The following MYOF variants were observed in gnomAD, a reference collection of about 807,000 sequenced individuals.
MYOF encodes the protein fer-1-like 3, myoferlin.
A neutral mutation model predicts 284.2 loss-of-function variants in MYOF; 244 were observed. The ratio of observed to expected loss-of-function variants is 0.86; its 90% CI spans 0.77 to 0.95. The LOEUF (loss-of-function observed/expected upper bound fraction) is 0.95, where lower values mean the gene tolerates loss of function less well. Among genes scored for constraint, MYOF ranks in the 40% least tolerant of loss-of-function variants. MYOF has a pLI of 0.00. For missense variants in MYOF, 2,496 were observed against 2,560.6 expected (o/e 0.97, Z 0.54); for synonymous variants, 904 against 919.7 (o/e 0.98, Z 0.31).
At chr10:93,360,777 G>A (rs144061338) in intron 28 of MYOF, among the ~76,000 whole-genome samples, 21 of 152,280 alleles carry the variant, frequency 1.4e-4, no homozygotes, top group South Asian at 4.1e-4. Context: ...TCTTTTCTGC[G>A]TCAGGGGGGC....
At chr10:93,360,116 A>G (rs1447723805) in intron 28 of MYOF, 138 bp from the exon 29 acceptor site, 1 of 1,088,124 alleles carries the variant, frequency 9.2e-7, no homozygotes, top group South Asian at 1.5e-5. Context: ...GGCTGTTTTC[A>G]CTTTGCTGGG....
rs1184839693 is a variant in MYOF, at chr10:93,349,892, A to G, written c.3999T>C (p.Cys1333=). Residue 1333 remains cysteine, a synonymous_variant, in exon 36 of 54, where the codon TGT becomes TGC. Coordinates refer to ENST00000359263, the MANE Select transcript of MYOF (RefSeq NM_013451.4). The stretch of plus-strand genomic sequence containing the variant: ...CCACCGATTCCACCCTTTCTCCTCC[A>G]CACTCCACAACAAGACTGGGGGATG... The part of the protein sequence containing the change: ...SITSPSLVVE[C]GGERVESVVI... 3 of 1,614,056 alleles carry G rather than the reference A, an allele frequency of 1.9e-6. No homozygotes were observed. The Admixed American group carries it at 5.0e-5, about 27-fold the overall frequency.
intron 13 of MYOF, among the ~76,000 whole-genome samples, chr10:93,397,999 A>C (rs1403512766): frequency 6.6e-6 from 1 of 152,078 alleles, no homozygotes; most frequent in Admixed American, 6.6e-5. Context: ...TGTCTATCTG[A>C]ACTCCACACC....
At chr10:93,399,742 C>T (rs112564366) in intron 12 of MYOF, among the ~76,000 whole-genome samples, 5,844 of 152,158 alleles carry the variant, frequency 0.038, 373 homozygotes, top group African/African-American at 0.13. Flanking sequence ...TGTGGTGGCA[C>T]GCGCCTGTAA....
chr10:93,352,653 T>C (rs1163692272), intron 32 of MYOF, among the ~76,000 whole-genome samples: 1 of 152,192 alleles, frequency 6.6e-6, no homozygotes, highest in African/African-American at 2.4e-5. Flanking sequence ...AGCCTGAAAC[T>C]CTTGTATAAG....
intron 3 of MYOF, among the ~76,000 whole-genome samples, chr10:93,445,654 G>A (rs67185100): frequency 6.6e-6 from 1 of 152,088 alleles, no homozygotes; most frequent in African/African-American, 2.4e-5. Flanking sequence ...GCCCACAGGC[G>A]CTGTGAGCCT....
At chr10:93,379,791 G>A in intron 21 of MYOF, 72 bp downstream of exon 21, 1 of 1,577,962 alleles carries the variant, frequency 6.3e-7, no homozygotes, top group South Asian at 1.1e-5. Flanking sequence ...GTGTTATAGT[G>A]GCCTGGCCTC....
intron 5 of MYOF, 68 bp downstream of exon 5, chr10:93,426,003 A>G: frequency 6.8e-7 from 1 of 1,467,256 alleles, no homozygotes; most frequent in South Asian, 1.2e-5. Context: ...GTTTCTCCAG[A>G]CACTCTCCTG....
At position 93,394,499 on chromosome 10, in the gene MYOF, C is replaced by T. The variant is rs1339101951; in HGVS notation, c.1418-1544G>A. Among the ~76,000 whole-genome samples, 16 of 94,914 alleles carry T rather than the reference C, an allele frequency of 1.7e-4. No homozygotes were observed. In the East Asian group the frequency reaches 5.7e-3, roughly 34 times the overall value. The allele number at this position is 94,914 out of a possible 152,430, so 62.3% of individuals were successfully genotyped here. ...TTTTTGAGACAGAGTCTTGCTCTGT[C>T]GCCCAGGCTGGAGTGCAGTGGCGCG... On this transcript the variant is annotated intron_variant, in intron 16 of 53. Coordinates refer to ENST00000359263, the MANE Select transcript of MYOF (RefSeq NM_013451.4).
chr10:93,380,000 A>C lies in MYOF; in HGVS notation c.1877-13T>G. The C allele has an allele frequency of 6.2e-7, 1 of 1,610,928 alleles. No individual in the cohort carries two copies. The highest frequency in any genetic ancestry group is 1.1e-5 in the South Asian group (1 of 90,862). On this transcript the variant is annotated splice_polypyrimidine_tract_variant and intron_variant, in intron 20 of 53. Transcript: ENST00000359263. Reference sequence around the variant, plus strand: ...TAATAGTAGTTGCCTGGTATAAAACATTGGGGGTCAATGAACACTGAACAC... The same window carrying C: ...TAATAGTAGTTGCCTGGTATAAAACCTTGGGGGTCAATGAACACTGAACAC...
chr10:93,454,919 T>C (rs1034529666), intron 2 of MYOF, among the ~76,000 whole-genome samples: 1 of 143,832 alleles, frequency 7.0e-6, no homozygotes, highest in Non-Finnish European at 1.5e-5. Context: ...ATCGAGGCTG[T>C]AGTAAGATAT....
chr10:93,472,090 T>G (rs2057159998), intron 1 of MYOF, among the ~76,000 whole-genome samples: 1 of 152,148 alleles, frequency 6.6e-6, no homozygotes, highest in Admixed American at 6.5e-5. Flanking sequence ...AGGTGGGCTT[T>G]CCATCACAGG....
At chr10:93,419,439 A>G (rs1401405364) in intron 5 of MYOF, among the ~76,000 whole-genome samples, 3 of 151,902 alleles carry the variant, frequency 2.0e-5, no homozygotes. Flanking sequence ...CTGGGATTAC[A>G]GGCATGAGCC....
chr10:93,389,241 A>G (rs1846555582), intron 17 of MYOF, 87 bp from the exon 18 acceptor site: 10 of 1,415,948 alleles, frequency 7.1e-6, no homozygotes, highest in East Asian at 2.6e-5. Context: ...GTTAGGTGAG[A>G]CTATTTTCCT....
rs531677492 is a variant in MYOF, at chr10:93,377,445, A to G, written c.2002-16T>C. ...TATTTGTTTGCTGAAGAATTTGAAA[A>G]GAGAGGAAATAATTGATAATTGTTC... is the stretch of plus-strand genomic sequence containing the variant. On this transcript the variant is annotated splice_polypyrimidine_tract_variant and intron_variant, in intron 21 of 53. Transcript: ENST00000359263. The G allele has an allele frequency of 1.5e-5, 23 of 1,555,170 alleles. No homozygotes were observed. In the South Asian group the frequency reaches 2.1e-4, roughly 14 times the overall value.
chr10:93,366,349 G>C (rs1845325467), intron 26 of MYOF, 43 bp downstream of exon 26: 11 of 1,585,806 alleles, frequency 6.9e-6, no homozygotes, highest in Non-Finnish European at 9.4e-6. Flanking sequence ...TCTAGAGAAA[G>C]ATTTCATTGC....
intron 42 of MYOF, 36 bp downstream of exon 42, chr10:93,333,722 T>C (rs761358229): frequency 6.2e-7 from 1 of 1,604,344 alleles, no homozygotes; most frequent in Admixed American, 1.7e-5. Context: ...TGTAATTATC[T>C]TGCTACAGGA....
chr10:93,426,672 T>A (rs550712277), intron 4 of MYOF, among the ~76,000 whole-genome samples: 2 of 152,246 alleles, frequency 1.3e-5, no homozygotes, highest in Non-Finnish European at 2.9e-5. Context: ...GTGGATCACC[T>A]GAGGTCAGGA....
At chr10:93,355,582 A>AAAAATAAAAT (rs5787054) in intron 31 of MYOF, 46 bp downstream of exon 31, 110 of 1,383,438 alleles carry the variant, frequency 8.0e-5, no homozygotes, top group Non-Finnish European at 9.3e-5. Context: ...TCAGTCTTGA[A>AAAAATAAAAT]AAAATAAAAT....
Sources: gnomAD v4.1 joint callset for allele counts (sites outside exome capture counted in the v4.1 genomes callset) on GRCh38, gnomAD v4.1.1 for gene constraint, MANE v1.5 for transcripts, NCBI Gene and HGNC (gene_info 2026-07-23, HGNC 2026-07-21) for gene names.